Variants in BRF1 observed in about 807,000 individuals in gnomAD.
BRF1 encodes the protein BRF1 general transcription factor IIIB subunit.
A neutral mutation model predicts 81.7 loss-of-function variants in BRF1; 59 were observed. The observed-to-expected ratio is 0.72, with a 90% CI of 0.59 to 0.90. The LOEUF is 0.90. BRF1 is among the 40% of genes least tolerant of loss of function. The pLI is 0.00. For missense variants in BRF1, 1,050 were observed against 936.3 expected (o/e 1.12, Z -1.58); for synonymous variants, 491 against 395.6 (o/e 1.24, Z -2.86).
intron 1 of BRF1, among the ~76,000 whole-genome samples, chr14:105,293,390 G>T (rs1402476840): frequency 6.6e-6 from 1 of 152,218 alleles, no homozygotes; most frequent in South Asian, 2.1e-4. Flanking sequence ...TGAAGCCACT[G>T]AAAGTTGTGA....
At chr14:105,223,829 A>G (rs1212186488) in intron 10 of BRF1, among the ~76,000 whole-genome samples, 2 of 152,228 alleles carry the variant, frequency 1.3e-5, no homozygotes, top group Non-Finnish European at 2.9e-5. Flanking sequence ...AAATCACCCA[A>G]TGGTAAATTT....
chr14:105,314,910 G>GC (rs1325945443), intron 1 of BRF1: 3 of 1,006,600 alleles, frequency 3.0e-6, no homozygotes, highest in East Asian at 2.0e-4. Flanking sequence ...GAGCGGCGGG[G>GC]CCGGCGCCAT....
At chr14:105,223,983 C>T (rs1470820221) in intron 10 of BRF1, among the ~76,000 whole-genome samples, 1 of 152,198 alleles carries the variant, frequency 6.6e-6, no homozygotes, top group African/African-American at 2.4e-5. Context: ...TAACGATGTA[C>T]AGCCAATCAC....
At chr14:105,292,870 C>T (rs2057579044) in intron 1 of BRF1, among the ~76,000 whole-genome samples, 1 of 152,096 alleles carries the variant, frequency 6.6e-6, no homozygotes, top group Non-Finnish European at 1.5e-5. Flanking sequence ...CCCACATCCC[C>T]TCCCCAGGTC....
At chr14:105,241,698 G>A (rs2054662852) in intron 5 of BRF1, 1 of 491,234 alleles carries the variant, frequency 2.0e-6, no homozygotes. Context: ...TCAGGACACA[G>A]AGGGGCGCAC....
At chr14:105,227,741 C>T (rs778803684) in intron 7 of BRF1, 6 of 152,270 alleles carry the variant, frequency 3.9e-5, no homozygotes, top group Non-Finnish European at 5.9e-5. Flanking sequence ...TCAGTTCTTA[C>T]GAACGCCTCT....
chr14:105,292,756 C>T (rs1161795417), intron 1 of BRF1, among the ~76,000 whole-genome samples: 1 of 152,130 alleles, frequency 6.6e-6, no homozygotes, highest in African/African-American at 2.4e-5. Context: ...CACGGCAGCC[C>T]ACACCCCTTC....
intron 15 of BRF1, 106 bp downstream of exon 15, chr14:105,217,438 C>A (rs1427237347): frequency 6.5e-6 from 10 of 1,529,540 alleles, no homozygotes; most frequent in Non-Finnish European, 8.0e-6. Context: ...ACTCCAGGCA[C>A]TTCTGTGGCC....
At chr14:105,247,600 G>A (rs1332424914) in intron 5 of BRF1, 13 of 985,346 alleles carry the variant, frequency 1.3e-5, no homozygotes, top group Non-Finnish European at 1.6e-5. Context: ...GAGACACAGA[G>A]CTCCTGTTCA....
upstream of BRF1, among the ~76,000 whole-genome samples, chr14:105,302,025 G>A (rs1186787845): frequency 1.3e-5 from 2 of 151,920 alleles, no homozygotes; most frequent in Admixed American, 1.3e-4. Context: ...TGTAATCCCA[G>A]CTACTCGCGA....
At chr14:105,248,624 C>A (rs1310037233) in intron 5 of BRF1, 2 of 977,806 alleles carry the variant, frequency 2.0e-6, no homozygotes, top group Non-Finnish European at 2.4e-6. Context: ...GGCCGGGCTG[C>A]GCTAGGCTGG....
intron 1 of BRF1, chr14:105,314,541 C>T (rs1169341841): frequency 6.8e-6 from 1 of 146,788 alleles, no homozygotes; most frequent in African/African-American, 2.5e-5. Flanking sequence ...CGGGGACGCC[C>T]CGTGAGGCGC....
chr14:105,221,618 A>G, intron 11 of BRF1, 30 bp downstream of exon 11: 1 of 1,591,282 alleles, frequency 6.3e-7, no homozygotes, highest in Non-Finnish European at 8.5e-7. Flanking sequence ...CGATGACCTC[A>G]GCGTCCCCCA....
intron 5 of BRF1, chr14:105,247,388 AATG>A (rs1332386861): frequency 7.1e-6 from 7 of 985,392 alleles, no homozygotes; most frequent in Non-Finnish European, 7.2e-6. Context: ...TCCTGGGAGA[AATG>A]ATGATTTGTG....
chr14:105,297,001 T>C (rs1333888761), intron 1 of BRF1, among the ~76,000 whole-genome samples: 1 of 145,098 alleles, frequency 6.9e-6, no homozygotes, highest in African/African-American at 2.5e-5. Flanking sequence ...CTACTAAAAA[T>C]ACAAAAATTA....
rs1055590173 is a variant in BRF1 at position 105,269,940 on chromosome 14, G to A, written c.439+2781C>T. Among the ~76,000 whole-genome samples the A allele has an allele frequency of 6.6e-6, 1 of 152,246 alleles. No individual in the cohort carries two copies. The highest frequency in any genetic ancestry group is 1.5e-5 in the Non-Finnish European group (1 of 68,012). ...TGGGCTCTGCTCAGCTTCTCGCTCAGGACCTTGGTCTGCTTCTAAGAGAGC... is the reference window on the plus strand; with the variant it reads ...TGGGCTCTGCTCAGCTTCTCGCTCAAGACCTTGGTCTGCTTCTAAGAGAGC... On this transcript the variant is annotated intron_variant, in intron 3 of 17. Transcript: ENST00000547530. The surrounding 1 kb of genome is among the most constrained non-coding windows in gnomAD (Gnocchi z 5.0).
In BRF1 at chr14:105,211,139, T is replaced by C; in HGVS notation, c.1979A>G (p.Gln660Arg). 6.2e-7 allele frequency: 1 copy of C among 1,612,588 alleles called. No homozygotes were observed. The highest frequency in any genetic ancestry group is 8.5e-7 in the Non-Finnish European group (1 of 1,179,888). The change falls in exon 17 of 18, where the codon CAG becomes CGG. Residue 660 changes from glutamine (Q) to arginine (R), a missense_variant. This residue lies in a region of BRF1 where 1,043 missense variants were observed against 915.4 expected (regional missense o/e 1.14). Coordinates refer to ENST00000547530, the MANE Select transcript of BRF1 (RefSeq NM_001519.4). ...EDGEPCVSAL[Q>R]MMGSNDYGCD... ...CCACCCACCGTTGCTGCCCATCATC[T>C]GCAGGGCACTGACGCAGGGCTCCCC...
chr14:105,261,917 G>A (rs1261944855), intron 3 of BRF1, among the ~76,000 whole-genome samples: 3 of 152,190 alleles, frequency 2.0e-5, no homozygotes, highest in Non-Finnish European at 4.4e-5. Context: ...CCCCTACCCA[G>A]TGCCACTCCC....
chr14:105,306,361 C>T (rs978447889), intron 1 of BRF1, among the ~76,000 whole-genome samples: 2 of 151,464 alleles, frequency 1.3e-5, no homozygotes, highest in Admixed American at 6.6e-5. Flanking sequence ...TGGAGTGCAG[C>T]GGCGCCATCT....
Sources: allele counts gnomAD v4.1 joint callset (sites outside exome capture counted in the v4.1 genomes callset), GRCh38; gene constraint gnomAD v4.1.1; regional missense constraint gnomAD v4.1.1; non-coding constraint Gnocchi (gnomAD v3.1); transcripts MANE v1.5; gene names NCBI Gene and HGNC (gene_info 2026-07-23, HGNC 2026-07-21).